The following FAM3B variants were observed in gnomAD, a reference collection of about 807,000 sequenced individuals.
FAM3B encodes FAM3 metabolism regulating signaling molecule B.
A neutral mutation model predicts 28.4 loss-of-function variants in FAM3B; 29 were observed. That is an observed-to-expected ratio of 1.02 (90% confidence interval 0.76 to 1.39). FAM3B has a LOEUF of 1.39. Ranked by LOEUF, FAM3B falls within the 40% of genes most tolerant of loss-of-function variation. The pLI is 0.00. For synonymous variants in FAM3B, 91 were observed against 103.0 expected, an observed-to-expected ratio of 0.88 and a Z score of 0.71; for missense variants, 266 against 293.9, an observed-to-expected ratio of 0.91 and a Z score of 0.69.
chr21:41,324,900 C>G (rs1404467381), intron 2 of FAM3B, among the ~76,000 whole-genome samples: 1 of 152,092 alleles, frequency 6.6e-6, no homozygotes, highest in African/African-American at 2.4e-5. Context: ...TCAAGAGTTC[C>G]AGACCAGCTT....
chr21:41,347,302 C>T (rs2089070803), intron 6 of FAM3B, among the ~76,000 whole-genome samples: 1 of 152,118 alleles, frequency 6.6e-6, no homozygotes, highest in South Asian at 2.1e-4. Context: ...CACAGAAGTA[C>T]TAGAACCTAA....
Position 41,340,054 on chromosome 21 carries a change from G to C in FAM3B, c.287+1553G>C, listed in dbSNP as rs11910557. Among the ~76,000 whole-genome samples the C allele has an allele frequency of 3.3e-5, 5 of 152,102 alleles. No individual in the cohort carries two copies. The East Asian group carries it at 9.7e-4, about 29-fold the overall frequency. ...GGTATCAGTCTTGGAGTCTAAAGGC[G>C]GGGGAGCCTGAAGTTCTCATGTTCA... On this transcript the variant is annotated intron_variant, in intron 3 of 7. Coordinates refer to ENST00000357985, the MANE Select transcript of FAM3B (RefSeq NM_058186.4).
At chr21:41,309,180 C>T (rs1041771507) in intron 1 of FAM3B, among the ~76,000 whole-genome samples, 1 of 152,248 alleles carries the variant, frequency 6.6e-6, no homozygotes, top group African/African-American at 2.4e-5. Context: ...CATCCGCCTT[C>T]AGGACTAGCT....
chr21:41,349,684 G>A (rs979954789), intron 7 of FAM3B, among the ~76,000 whole-genome samples: 46 of 152,190 alleles, frequency 3.0e-4, no homozygotes, highest in African/African-American at 1.1e-3. Flanking sequence ...AGGTAGAGGA[G>A]AAGGGGGCTG....
chr21:41,341,045 G>A (rs759430471), intron 3 of FAM3B, among the ~76,000 whole-genome samples: 13 of 151,944 alleles, frequency 8.6e-5, no homozygotes, highest in East Asian at 1.9e-4. Flanking sequence ...CATTATACAC[G>A]TATACACTCA....
intron 2 of FAM3B, among the ~76,000 whole-genome samples, chr21:41,336,194 A>G (rs1035733426): frequency 7.9e-5 from 12 of 152,186 alleles, no homozygotes; most frequent in Admixed American, 7.9e-4. Flanking sequence ...TGTATCTGCT[A>G]GCACCCTGAC....
At chr21:41,335,865 AT>A (rs1242778339) in intron 2 of FAM3B, among the ~76,000 whole-genome samples, 1 of 152,120 alleles carries the variant, frequency 6.6e-6, no homozygotes, top group Non-Finnish European at 1.5e-5. Context: ...AGAAGAATGG[AT>A]ATTTTGTTGC....
chr21:41,338,820 G>A (rs143421333), intron 3 of FAM3B, among the ~76,000 whole-genome samples: 1 of 152,182 alleles, frequency 6.6e-6, no homozygotes, highest in African/African-American at 2.4e-5. Flanking sequence ...AAGTACTCTG[G>A]GATCTGAGTA....
intron 7 of FAM3B, 49 bp from the exon 8 acceptor site, chr21:41,357,059 T>C: frequency 7.1e-7 from 1 of 1,410,538 alleles, no homozygotes; most frequent in Non-Finnish European, 9.8e-7. Context: ...GATTAAATAC[T>C]TGTTTATTAG....
At chr21:41,307,333 T>C (rs1020617254) in intron 1 of FAM3B, among the ~76,000 whole-genome samples, 4 of 152,240 alleles carry the variant, frequency 2.6e-5, no homozygotes, top group African/African-American at 9.6e-5. Context: ...TGCTCTGGAT[T>C]AGGCTTTGGC....
Position 41,308,535 on chromosome 21 carries a change from CTTTTTT to C in FAM3B, n.99+4241_99+4246del, listed in dbSNP as rs562737882. Among the ~76,000 whole-genome samples, 663 of 119,534 alleles carry C rather than the reference CTTTTTT, an allele frequency of 5.5e-3. 10 individuals carry two copies. Among genetic ancestry groups the C allele is most frequent in the African/African-American group, 0.02 (629 of 32,252 alleles). 78.4% of individuals were successfully genotyped at this position (119,534 alleles called of 152,430 possible). ...GATTGTTGGTTTTTGTTTTTCTTTT[CTTTTTT>C]TTTTTTTTTTTTTTTGAGACAGAGT... On this transcript the variant is annotated intron_variant and non_coding_transcript_variant, in intron 1 of 9. Coordinates refer to the FAM3B transcript ENST00000479810.
intron 2 of FAM3B, among the ~76,000 whole-genome samples, chr21:41,328,549 G>A (rs559175418): frequency 6.6e-6 from 1 of 152,108 alleles, no homozygotes; most frequent in African/African-American, 2.4e-5. Context: ...CACCACTTTG[G>A]CCAGGCTGGT....
intron 2 of FAM3B, among the ~76,000 whole-genome samples, chr21:41,334,940 G>A (rs2088940748): frequency 6.6e-6 from 1 of 152,266 alleles, no homozygotes; most frequent in Admixed American, 6.5e-5. Flanking sequence ...TATGCTGGAT[G>A]TGAGACATGG....
intron 3 of FAM3B, among the ~76,000 whole-genome samples, chr21:41,341,476 T>A (rs1286691389): frequency 2.6e-5 from 4 of 152,198 alleles, no homozygotes; most frequent in Non-Finnish European, 5.9e-5. Context: ...TAACCTGGAT[T>A]TTTTTTGGTG....
intron 1 of FAM3B, among the ~76,000 whole-genome samples, chr21:41,310,414 C>G (rs1161682102): frequency 6.6e-6 from 1 of 152,308 alleles, no homozygotes; most frequent in East Asian, 1.9e-4. Flanking sequence ...GAGCTACTGC[C>G]TCATTTTCTG....
Position 41,304,410 on chromosome 21 carries a change from C to G in FAM3B, n.99+100C>G, listed in dbSNP as rs553430074. 1.3e-3 allele frequency: 517 copies of G among 410,210 alleles called. 2 individuals carry two copies. The highest frequency in any genetic ancestry group is 6.7e-4 in the Non-Finnish European group (137 of 205,502). The allele number at this position is 410,210 out of a possible 1,614,324, so 25.4% of individuals were successfully genotyped here. A position where few individuals can be genotyped will look rare whatever the true frequency, so the allele number is the denominator to read the frequency against. The stretch of plus-strand genomic sequence containing the variant: ...CTGAGCAGCCCGAGGGAGTCGCCCC[C>G]GAAGGGCCCCAGGTTGCCTGCACCG... On this transcript the variant is annotated intron_variant and non_coding_transcript_variant, in intron 1 of 9. Transcript: ENST00000479810.
intron 1 of FAM3B, among the ~76,000 whole-genome samples, chr21:41,317,597 C>T (rs972009839): frequency 6.6e-6 from 1 of 152,064 alleles, no homozygotes; most frequent in Admixed American, 6.6e-5. Flanking sequence ...TGCGGGTCTC[C>T]TCCTATAATC....
intron 2 of FAM3B, among the ~76,000 whole-genome samples, chr21:41,323,748 G>A (rs1164501531): frequency 6.6e-6 from 1 of 152,190 alleles, no homozygotes; most frequent in Admixed American, 6.5e-5. Flanking sequence ...GAGAGGATGG[G>A]TGGGGAAAGC....
chr21:41,335,090 C>T (rs997556858), intron 2 of FAM3B, among the ~76,000 whole-genome samples: 1 of 152,130 alleles, frequency 6.6e-6, no homozygotes, highest in South Asian at 2.1e-4. Context: ...ACTGCTTGTA[C>T]CTCCATTGTG....
Sources: gnomAD v4.1 joint callset for allele counts (sites outside exome capture counted in the v4.1 genomes callset) on GRCh38, gnomAD v4.1.1 for gene constraint, MANE v1.5 for transcripts, NCBI Gene and HGNC (gene_info 2026-07-23, HGNC 2026-07-21) for gene names.